The following RNF11 variants were observed in gnomAD, a reference collection of about 807,000 sequenced individuals.
RNF11 encodes ring finger protein 11.
A neutral mutation model predicts 15.8 loss-of-function variants in RNF11; 4 were observed. That is an observed-to-expected ratio of 0.25 (90% CI 0.12 to 0.58). RNF11 has a LOEUF of 0.58. Among genes scored for constraint, RNF11 ranks in the 20% least tolerant of loss-of-function variants. The probability of loss-of-function intolerance (pLI) is 0.91; values close to 1 mark genes in which losing one functional copy is unlikely to be tolerated. For synonymous variants in RNF11, 68 were observed against 72.3 expected, an observed-to-expected ratio of 0.94 and a Z score of 0.30; for missense variants, 139 against 194.4, an observed-to-expected ratio of 0.71 and a Z score of 1.70.
In RNF11 at chr1:51,258,378, A is replaced by G. The variant is rs1222707542; in HGVS notation, c.124-11578A>G. On this transcript the variant is annotated intron_variant, in intron 1 of 2. Coordinates refer to ENST00000242719, the MANE Select transcript of RNF11 (RefSeq NM_014372.5). ...CAACTAGGAGAAATGCATTTAAACA[A>G]TAGGGATAACTGCACAGTGAGGCAG... is the stretch of plus-strand genomic sequence containing the variant. 2.0e-5 allele frequency among the ~76,000 whole-genome samples: 3 copies of G among 152,174 alleles called. No individual in the cohort carries two copies. In the East Asian group the frequency reaches 5.8e-4, roughly 29 times the overall value.
intron 1 of RNF11, among the ~76,000 whole-genome samples, chr1:51,258,875 AT>A (rs1328604364): frequency 1.3e-5 from 2 of 152,162 alleles, no homozygotes; most frequent in African/African-American, 4.8e-5. Flanking sequence ...TTTCAGTGTA[AT>A]GTGGATGTGT....
chr1:51,243,465 T>C (rs2148065390), intron 1 of RNF11, among the ~76,000 whole-genome samples: 1 of 152,136 alleles, frequency 6.6e-6, no homozygotes, highest in South Asian at 2.1e-4. Context: ...TGAAACAGAG[T>C]CTTCACTCTG....
rs1646804329 is a variant in RNF11, at chr1:51,236,672, C to A, written c.-85C>A. ...CCCGGCCTGTCGCCCGACCCCACCT[C>A]GCCAACCGAGGCGGACCGCGGAGTG... On this transcript the variant is annotated 5_prime_UTR_variant, in exon 1 of 3. Transcript: ENST00000242719. 6.4e-7 allele frequency: 1 copy of A among 1,573,964 alleles called. No individual in the cohort carries two copies. The highest frequency in any genetic ancestry group is 8.7e-7 in the Non-Finnish European group (1 of 1,155,076).
At chr1:51,260,235 TA>T (rs1646924628) in intron 1 of RNF11, among the ~76,000 whole-genome samples, 1 of 152,258 alleles carries the variant, frequency 6.6e-6, no homozygotes, top group African/African-American at 2.4e-5. Context: ...TGCTGGTATT[TA>T]CAAATACAAT....
intron 1 of RNF11, among the ~76,000 whole-genome samples, chr1:51,266,842 T>A (rs1646956998): frequency 6.6e-6 from 1 of 152,204 alleles, no homozygotes; most frequent in Non-Finnish European, 1.5e-5. Context: ...GTGCTTTGAT[T>A]TAGGTTATTC....
rs752194608 is a variant in RNF11 at position 51,271,343 on chromosome 1, T to G, written c.*21T>G. ...ATTGAGCCAGGGTCTCTTATCTGAC[T>G]TCAAGTGAACCACCATTTTGGTGGT... On this transcript the variant is annotated 3_prime_UTR_variant, in exon 3 of 3. Coordinates refer to ENST00000242719, the MANE Select transcript of RNF11 (RefSeq NM_014372.5). 11 of 1,589,246 alleles carry G rather than the reference T, an allele frequency of 6.9e-6. No homozygotes were observed. Among genetic ancestry groups the G allele is most frequent in the Non-Finnish European group, 7.7e-6 (9 of 1,163,064 alleles).
chr1:51,248,230 T>C (rs1646861649), intron 1 of RNF11, among the ~76,000 whole-genome samples: 1 of 150,112 alleles, frequency 6.7e-6, no homozygotes, highest in Non-Finnish European at 1.5e-5. Flanking sequence ...GGCTTTGAGA[T>C]GGAGTCTTGC....
At position 51,251,171 on chromosome 1, in the gene RNF11, C is replaced by G. The variant is rs1204990611; in HGVS notation, c.123+14292C>G. 8 of 1,524,818 alleles carry G rather than the reference C, an allele frequency of 5.2e-6. No individual in the cohort carries two copies. In the African/African-American group the frequency reaches 6.8e-5, roughly 13 times the overall value. 94.5% of individuals were successfully genotyped at this position (1,524,818 alleles called of 1,614,324 possible). ...CTGGCATAATCTTCAAAACCTCATC[C>G]TTGAGAGAGGCCCCCAGGAAAAAGT... On this transcript the variant is annotated intron_variant, in intron 1 of 2. Coordinates refer to ENST00000242719, the MANE Select transcript of RNF11 (RefSeq NM_014372.5).
chr1:51,245,095 C>T (rs753360329), intron 1 of RNF11, among the ~76,000 whole-genome samples: 13 of 152,170 alleles, frequency 8.5e-5, no homozygotes, highest in Non-Finnish European at 1.8e-4. Flanking sequence ...TAATCTTACT[C>T]TGTTGCCTAG....
chr1:51,245,581 A>G (rs1234231174), intron 1 of RNF11, among the ~76,000 whole-genome samples: 1 of 152,088 alleles, frequency 6.6e-6, no homozygotes, highest in African/African-American at 2.4e-5. Flanking sequence ...CCTCCTGAGT[A>G]GCTGGGATTA....
intron 1 of RNF11, among the ~76,000 whole-genome samples, chr1:51,243,577 T>G (rs1286924238): frequency 6.6e-6 from 1 of 152,146 alleles, no homozygotes; most frequent in Non-Finnish European, 1.5e-5. Context: ...TAGCTGGGAT[T>G]ACAGGCATGC....
chr1:51,260,549 A>G (rs1055815877), intron 1 of RNF11, among the ~76,000 whole-genome samples: 1 of 152,188 alleles, frequency 6.6e-6, no homozygotes, highest in African/African-American at 2.4e-5. Flanking sequence ...CTGATTCAAA[A>G]TTATTATTAG....
At chr1:51,251,879 G>A (rs1034281593) in intron 1 of RNF11, among the ~76,000 whole-genome samples, 10 of 152,050 alleles carry the variant, frequency 6.6e-5, no homozygotes, top group African/African-American at 2.4e-5. Context: ...AGGAGTTTGC[G>A]ACGAGCCTGG....
intron 1 of RNF11, among the ~76,000 whole-genome samples, chr1:51,269,198 T>TTGGGGA (rs1646968242): frequency 6.6e-6 from 1 of 152,204 alleles, no homozygotes; most frequent in African/African-American, 2.4e-5. Context: ...AGGTGAGGGC[T>TTGGGGA]TGGGGATGGG....
intron 1 of RNF11, among the ~76,000 whole-genome samples, chr1:51,250,299 A>G (rs1386276306): frequency 6.6e-6 from 1 of 152,186 alleles, no homozygotes; most frequent in Non-Finnish European, 1.5e-5. Flanking sequence ...CTATTGTGAG[A>G]ATATTTAAGA....
At chr1:51,255,551 C>G (rs148112300) in intron 1 of RNF11, among the ~76,000 whole-genome samples, 18 of 152,274 alleles carry the variant, frequency 1.2e-4, no homozygotes, top group African/African-American at 4.3e-4. Flanking sequence ...GCGACTGCAC[C>G]CAGCTGTGTT....
chr1:51,258,629 C>G (rs181329851), intron 1 of RNF11, among the ~76,000 whole-genome samples: 15 of 152,234 alleles, frequency 9.9e-5, no homozygotes, highest in Admixed American at 1.3e-4. Flanking sequence ...TCAGAAATAC[C>G]CATATGTATA....
chr1:51,247,543 C>G lies in RNF11; in HGVS notation c.123+10664C>G, dbSNP rs147445083. Among the ~76,000 whole-genome samples the G allele has an allele frequency of 6.2e-3, 938 of 151,912 alleles. 2 individuals are homozygous for G. Among genetic ancestry groups the G allele is most frequent in the Non-Finnish European group, 0.011 (752 of 67,960 alleles). ...CCAAGCCATCCTCCTGCCTCACCCTCCTAAAGTGAAGTGCTGGAATAACAG... is the reference window on the plus strand; with the variant it reads ...CCAAGCCATCCTCCTGCCTCACCCTGCTAAAGTGAAGTGCTGGAATAACAG... On this transcript the variant is annotated intron_variant, in intron 1 of 2. Transcript: ENST00000242719.
chr1:51,268,942 AATTTACAAATATTGGC>A (rs1646967318), intron 1 of RNF11, among the ~76,000 whole-genome samples: 1 of 152,226 alleles, frequency 6.6e-6, no homozygotes. Flanking sequence ...ATGTTAGAAT[AATTTACAAATATTGGC>A]ATTTACAAAG....
Sources: gnomAD v4.1 joint callset for allele counts (sites outside exome capture counted in the v4.1 genomes callset) on GRCh38, gnomAD v4.1.1 for gene constraint, MANE v1.5 for transcripts, NCBI Gene and HGNC (gene_info 2026-07-23, HGNC 2026-07-21) for gene names.